Variants in PUS10 observed in about 807,000 individuals in gnomAD.
PUS10 encodes pseudouridine synthase 10, also known as tRNA pseudouridine synthase Pus10.
Under a neutral mutation model 75.0 loss-of-function variants are expected in PUS10, and 59 were observed. The observed-to-expected ratio is 0.79, with a 90% CI of 0.64 to 0.98. PUS10 has a LOEUF of 0.98. Among genes scored for constraint, PUS10 ranks in the 50% least tolerant of loss-of-function variants. PUS10 has a pLI of 0.00. For missense variants in PUS10, 650 were observed against 614.4 expected (o/e 1.06, Z -0.61); for synonymous variants, 219 against 211.6 (o/e 1.03, Z -0.30).
Position 60,948,110 on chromosome 2 carries a change from G to A in PUS10, c.1384C>T (p.His462Tyr), listed in dbSNP as rs201669454. Reference sequence around the variant, plus strand: ...TCCACGTACTGTGTCTCCATGAAGTGAATGACGCGAGCTCGCACAGCCAGG... The same window carrying A: ...TCCACGTACTGTGTCTCCATGAAGTAAATGACGCGAGCTCGCACAGCCAGG... ...RPLAVRARVI[H>Y]FMETQYVDEH... The change falls in exon 16 of 18, where the codon CAC becomes TAC. Residue 462 changes from histidine to tyrosine, a missense_variant. By Grantham distance (83) the His-to-Tyr change is moderately conservative (BLOSUM62 2). Transcript: ENST00000316752. 5.0e-5 allele frequency: 80 copies of A among 1,614,116 alleles called. No homozygotes were observed. The East Asian group carries it at 1.7e-3, about 34-fold the overall frequency.
intron 9 of PUS10, 144 bp downstream of exon 9, chr2:60,962,682 T>G: frequency 7.5e-7 from 1 of 1,339,948 alleles, no homozygotes; most frequent in Non-Finnish European, 9.7e-7. Flanking sequence ...TACTGCACCA[T>G]GGGTTGGAGA....
chr2:60,953,786 G>A, intron 14 of PUS10, 147 bp downstream of exon 14: 1 of 651,898 alleles, frequency 1.5e-6, no homozygotes, highest in Non-Finnish European at 2.7e-6. Flanking sequence ...TATCCTCCTT[G>A]GAGAAATGTC....
Position 61,008,946 on chromosome 2 carries a change from G to T in PUS10, c.196C>A (p.Pro66Thr). 1 of 1,612,600 alleles carries T rather than the reference G, an allele frequency of 6.2e-7. No homozygotes were observed. Among genetic ancestry groups the T allele is most frequent in the Non-Finnish European group, 8.5e-7 (1 of 1,179,010 alleles). ...TGCAGTCGAATTTTCTTGGGAGGTG[G>T]GTTCATAACTTCCAAAATTAATTCA... ...KDELILEVMN[P>T]PPKKIRLQEL... The change falls in exon 3 of 18, where the codon CCA (proline) becomes ACA (threonine). Residue 66 changes from proline (P) to threonine (T), a missense_variant. Pro to Thr is a conservative substitution (Grantham distance 38, BLOSUM62 -1). Coordinates refer to ENST00000316752, the MANE Select transcript of PUS10 (RefSeq NM_144709.4).
intron 15 of PUS10, among the ~76,000 whole-genome samples, chr2:60,950,271 C>T (rs949274621): frequency 2.0e-5 from 3 of 152,166 alleles, no homozygotes; most frequent in Admixed American, 2.0e-4. Flanking sequence ...ACACTATAAA[C>T]ATTATTCTGC....
At position 60,945,003 on chromosome 2, in the gene PUS10, G is replaced by T. The variant is rs751093961; in HGVS notation, c.1551+6C>A. 5.6e-6 allele frequency: 9 copies of T among 1,607,872 alleles called. No individual in the cohort carries two copies. In the African/African-American group the frequency reaches 8.0e-5, roughly 14 times the overall value. On this transcript the variant is annotated splice_donor_region_variant and intron_variant, in intron 17 of 17. Coordinates refer to ENST00000316752, the MANE Select transcript of PUS10 (RefSeq NM_144709.4). The stretch of plus-strand genomic sequence containing the variant: ...CCAATGTGCATTCCACAACAAAATG[G>T]TTTACCTCAACATCCAGCTCCAGAA...
rs755237669 is a variant in PUS10, at chr2:60,945,040, A to C, written c.1520T>G (p.Val507Gly). 5.0e-6 allele frequency: 8 copies of C among 1,613,982 alleles called. No individual in the cohort carries two copies. The highest frequency in any genetic ancestry group is 6.8e-6 in the Non-Finnish European group (8 of 1,179,820). Residue 507 changes from valine to glycine, a missense_variant, in exon 17 of 18, where the codon GTG becomes GGG. Val to Gly is a moderately radical substitution (Grantham distance 109). Coordinates refer to ENST00000316752, the MANE Select transcript of PUS10 (RefSeq NM_144709.4). ...TKPNIGSLMN[V>G]TADILELDVE... ...ATCCAGCTCCAGAATGTCTGCAGTC[A>C]CATTCATCAGGGACCCAATGTTTGG... is the stretch of plus-strand genomic sequence containing the variant.
chr2:60,953,762 A>G (rs534666615), intron 14 of PUS10, among the ~76,000 whole-genome samples, 171 bp downstream of exon 14: 1 of 152,286 alleles, frequency 6.6e-6, no homozygotes, highest in African/African-American at 2.4e-5. Flanking sequence ...TCATATGTTA[A>G]TTGGCTATTC....
intron 11 of PUS10, among the ~76,000 whole-genome samples, chr2:60,959,691 G>T (rs1675897350): frequency 6.6e-6 from 1 of 152,128 alleles, no homozygotes; most frequent in South Asian, 2.1e-4. Flanking sequence ...ACTCGGCAGA[G>T]CAATCATCTT....
At position 60,955,017 on chromosome 2, in the gene PUS10, C is replaced by G. The variant is rs951174329; in HGVS notation, c.1057+1G>C. The G allele has an allele frequency of 1.9e-6, 3 of 1,570,846 alleles. No homozygotes were observed. The highest frequency in any genetic ancestry group is 1.7e-6 in the Non-Finnish European group (2 of 1,152,578). ...ATCAGGTGATGCTGTTGCAGTCTTA[C>G]CATTTCCTAATGTTCTCACATCTAC... On this transcript the variant is annotated splice_donor_variant, in intron 12 of 17. Coordinates refer to ENST00000316752, the MANE Select transcript of PUS10 (RefSeq NM_144709.4). LOFTEE classifies it high-confidence loss of function.
At chr2:61,012,866 A>AAAAAAAC (rs1679709258) in intron 1 of PUS10, among the ~76,000 whole-genome samples, 1 of 104,664 alleles carries the variant, frequency 9.6e-6, no homozygotes, top group South Asian at 2.6e-4. Flanking sequence ...AAAAAAAAAA[A>AAAAAAAC]AATATATATA....
intron 16 of PUS10, 104 bp downstream of exon 16, chr2:60,947,939 C>T: frequency 8.5e-7 from 1 of 1,177,608 alleles, no homozygotes; most frequent in Non-Finnish European, 1.2e-6. Flanking sequence ...ATAATCCTTT[C>T]CCGAATCCCT....
intron 11 of PUS10, among the ~76,000 whole-genome samples, chr2:60,955,952 T>C (rs1163617115): frequency 3.3e-5 from 5 of 151,964 alleles, no homozygotes; most frequent in African/African-American, 1.2e-4. Flanking sequence ...GAAAAAAAGG[T>C]TTGACTCTAA....
chr2:60,982,907 G>A (rs1050108320), intron 4 of PUS10, among the ~76,000 whole-genome samples: 7 of 151,588 alleles, frequency 4.6e-5, no homozygotes, highest in Non-Finnish European at 8.8e-5. Flanking sequence ...ATGACTCACT[G>A]CAGCCTCTAA....
intron 2 of PUS10, among the ~76,000 whole-genome samples, chr2:61,011,115 T>C (rs1408244821): frequency 6.6e-6 from 1 of 152,204 alleles, no homozygotes; most frequent in East Asian, 1.9e-4. Flanking sequence ...CTGTTTATAA[T>C]GTATATATTT....
chr2:60,996,928 G>A (rs1451300352), intron 4 of PUS10, among the ~76,000 whole-genome samples: 1 of 152,338 alleles, frequency 6.6e-6, no homozygotes, highest in East Asian at 1.9e-4. Context: ...TTACACTTGG[G>A]TGGTGGCCTG....
At chr2:60,953,912 C>G in intron 14 of PUS10, 21 bp downstream of exon 14, 2 of 1,607,110 alleles carry the variant, frequency 1.2e-6, no homozygotes, top group Non-Finnish European at 1.7e-6. Flanking sequence ...TTGAAATCAT[C>G]TCCAATGAGC....
chr2:60,945,088 T>A lies in PUS10; in HGVS notation c.1472A>T (p.His491Leu). 6.2e-7 allele frequency: 1 copy of A among 1,613,534 alleles called. No individual in the cohort carries two copies. Among genetic ancestry groups the A allele is most frequent in the Non-Finnish European group, 8.5e-7 (1 of 1,179,412 alleles). ...QAGTYIKEFV[H>L]GDFGRTKPNI... ...TGGCTTGGTTCTCCCGAAGTCTCCA[T>A]GTACAAACTCTTTAATGTAGCTGGG... is the stretch of plus-strand genomic sequence containing the variant. The change falls in exon 17 of 18, where the codon CAT (histidine) becomes CTT (leucine). Residue 491 changes from histidine to leucine, a missense_variant. His to Leu is a moderately conservative substitution (Grantham distance 99). Transcript: ENST00000316752.
At chr2:60,967,781 C>T (rs1348896545) in intron 5 of PUS10, among the ~76,000 whole-genome samples, 168 bp from the exon 6 acceptor site, 1 of 152,112 alleles carries the variant, frequency 6.6e-6, no homozygotes, top group Non-Finnish European at 1.5e-5. Context: ...AAAAATTCCT[C>T]ACCTCATGGA....
intron 4 of PUS10, among the ~76,000 whole-genome samples, chr2:60,977,005 T>G (rs967530257): frequency 6.6e-6 from 1 of 152,190 alleles, no homozygotes; most frequent in Non-Finnish European, 1.5e-5. Context: ...AAACACAATT[T>G]AATCCTGGAC....
Sources: allele counts gnomAD v4.1 joint callset (sites outside exome capture counted in the v4.1 genomes callset), GRCh38; gene constraint gnomAD v4.1.1; transcripts MANE v1.5; gene names NCBI Gene and HGNC (gene_info 2026-07-23, HGNC 2026-07-21).